Variants in CATSPERG observed in about 807,000 individuals in gnomAD.
CATSPERG encodes catsper channel auxiliary subunit gamma, also known as cation channel sperm-associated auxiliary subunit gamma.
Under a neutral mutation model 145.0 loss-of-function variants are expected in CATSPERG, and 115 were observed. That is an observed-to-expected ratio of 0.79 (90% CI 0.68 to 0.93). The LOEUF (loss-of-function observed/expected upper bound fraction) is 0.93. Among genes scored for constraint, CATSPERG ranks in the 40% least tolerant of loss-of-function variants. The pLI is 0.00. For missense variants in CATSPERG, 1,296 were observed against 1,490.1 expected (o/e 0.87, Z 2.14); for synonymous variants, 588 against 589.0 (o/e 1.00, Z 0.02).
Position 38,362,414 on chromosome 19 carries a change from G to A in CATSPERG, c.2196G>A (p.Ala732=), listed in dbSNP as rs769450893. 11 of 1,614,156 alleles carry A rather than the reference G, an allele frequency of 6.8e-6. No homozygotes were observed. The highest frequency in any genetic ancestry group is 4.4e-5 in the South Asian group (4 of 91,092). Residue 732 remains alanine (A), a synonymous_variant, in exon 19 of 29, where the codon GCG becomes GCA. Coordinates refer to ENST00000409235, the MANE Select transcript of CATSPERG (RefSeq NM_021185.5). ...TCTTGGCGAGCAATTGGCGAAGCGC[G>A]GGCGGCGTGTCCATAGAAATGGACA... ...YFFLASNWRS[A]GGVSIEMDSY...
chr19:38,340,877 G>C (rs1969926339), intron 3 of CATSPERG, among the ~76,000 whole-genome samples: 1 of 139,790 alleles, frequency 7.2e-6, no homozygotes, highest in Non-Finnish European at 1.6e-5. Flanking sequence ...AATAAAATGA[G>C]GTAATACGTT....
chr19:38,352,024 A>C (rs1970150903), intron 7 of CATSPERG, among the ~76,000 whole-genome samples: 1 of 152,058 alleles, frequency 6.6e-6, no homozygotes, highest in African/African-American at 2.4e-5. Flanking sequence ...GCACTGCCCA[A>C]CTCCAGGGGG....
At chr19:38,359,884 A>T (rs1308197798) in intron 14 of CATSPERG, 3 of 1,116,684 alleles carry the variant, frequency 2.7e-6, no homozygotes, top group East Asian at 1.2e-4. Flanking sequence ...GTGCTGGAGA[A>T]CACAGAGTGA....
intron 2 of CATSPERG, 21 bp from the exon 3 acceptor site, chr19:38,337,572 T>TG: frequency 6.4e-7 from 1 of 1,551,806 alleles, no homozygotes; most frequent in Non-Finnish European, 8.7e-7. Context: ...TCTGGACGTG[T>TG]GGCCTAACCT....
chr19:38,361,732 G>A lies in CATSPERG; in HGVS notation c.1965G>A (p.Thr655=), dbSNP rs2145101175. ...LRSLPSPQRY[T]RQERYRARPP... is the part of the protein sequence containing the mutation. The stretch of plus-strand genomic sequence containing the variant: ...GCCTGCCCAGTCCGCAGAGATACAC[G>A]CGCCAGGAGCGCTACCGGGCGCGGC... The change falls in exon 17 of 29, where the codon ACG becomes ACA. Residue 655 remains threonine, a synonymous_variant. Coordinates refer to ENST00000409235, the MANE Select transcript of CATSPERG (RefSeq NM_021185.5). 1 of 1,613,086 alleles carries A rather than the reference G, an allele frequency of 6.2e-7. No individual in the cohort carries two copies. The highest frequency in any genetic ancestry group is 1.1e-5 in the South Asian group (1 of 90,934).
At chr19:38,357,515 CAA>C (rs3033507) in intron 11 of CATSPERG, among the ~76,000 whole-genome samples, 8 of 134,052 alleles carry the variant, frequency 6.0e-5, no homozygotes, top group Admixed American at 1.5e-4. Flanking sequence ...GACCCGGTCT[CAA>C]AAAAAAAAAA....
intron 3 of CATSPERG, 93 bp from the exon 4 acceptor site, chr19:38,343,487 A>G: frequency 1.7e-6 from 2 of 1,164,732 alleles, no homozygotes; most frequent in Non-Finnish European, 1.2e-6. Flanking sequence ...GCCCCCGGAC[A>G]GCCCAGGAGA....
chr19:38,354,409 C>T (rs904245777), intron 8 of CATSPERG, among the ~76,000 whole-genome samples: 10 of 152,256 alleles, frequency 6.6e-5, no homozygotes, highest in Non-Finnish European at 8.8e-5. Flanking sequence ...CATCTTGTTG[C>T]GGATTGCAAG....
At position 38,344,129 on chromosome 19, in the gene CATSPERG, C is replaced by T. The variant is rs946190708; in HGVS notation, c.596+10C>T. On this transcript the variant is annotated intron_variant, in intron 5 of 28. Coordinates refer to ENST00000409235, the MANE Select transcript of CATSPERG (RefSeq NM_021185.5). ...TCATTCCAGATAAAAGGTACCCTTT[C>T]CCAAGACGGGGGCTGGGGTGGACTC... is the stretch of plus-strand genomic sequence containing the variant. 6.4e-7 allele frequency: 1 copy of T among 1,551,560 alleles called. No individual in the cohort carries two copies. The highest frequency in any genetic ancestry group is 8.7e-7 in the Non-Finnish European group (1 of 1,146,940).
At position 38,365,059 on chromosome 19, in the gene CATSPERG, AGGT is replaced by A. The variant is rs1350326389; in HGVS notation, c.2561_2563del (p.Val854del). The A allele has an allele frequency of 6.2e-7, 1 of 1,613,888 alleles. No individual in the cohort carries two copies. Among genetic ancestry groups the A allele is most frequent in the Non-Finnish European group, 8.5e-7 (1 of 1,179,980 alleles). On this transcript the variant is annotated splice_acceptor_variant and coding_sequence_variant, in exon 22 of 29. Coordinates refer to ENST00000409235, the MANE Select transcript of CATSPERG (RefSeq NM_021185.5). LOFTEE classifies it high-confidence loss of function. ...ACCATCTTCACCTGCTCCTACCCAC[AGGT>A]GGTGGGTTCATCCGGGCTCTGCTTC... is the stretch of plus-strand genomic sequence containing the variant.
chr19:38,364,447 C>T (rs1296235574), intron 20 of CATSPERG, among the ~76,000 whole-genome samples: 1 of 151,810 alleles, frequency 6.6e-6, no homozygotes, highest in Non-Finnish European at 1.5e-5. Flanking sequence ...AGTGGGCAGC[C>T]AGGCAGAGGG....
At chr19:38,362,913 C>G (rs1295995075) in intron 20 of CATSPERG, 81 bp downstream of exon 20, 11 of 956,650 alleles carry the variant, frequency 1.1e-5, no homozygotes, top group Non-Finnish European at 1.7e-5. Flanking sequence ...GGGTCTTGCT[C>G]TGTCGCTCAG....
At position 38,370,892 on chromosome 19, in the gene CATSPERG, T is replaced by C; in HGVS notation, c.*100T>C. 1 of 1,342,968 alleles carries C rather than the reference T, an allele frequency of 7.4e-7. No individual in the cohort carries two copies. Among genetic ancestry groups the C allele is most frequent in the South Asian group, 1.3e-5 (1 of 75,894 alleles). The allele number at this position is 1,342,968 out of a possible 1,614,324, so 83.2% of individuals were successfully genotyped here. On this transcript the variant is annotated 3_prime_UTR_variant, in exon 29 of 29. Transcript: ENST00000409235. The stretch of plus-strand genomic sequence containing the variant: ...ACCCAGCCCAGGCCTCTCTTTCTGT[T>C]TTGCTTGATGTTTACTTCTCGTTCA...
In CATSPERG at chr19:38,354,803, C is replaced by G. The variant is rs754443545; in HGVS notation, c.1091C>G (p.Thr364Ser). 82 of 1,614,004 alleles carry G rather than the reference C, an allele frequency of 5.1e-5. No homozygotes were observed. Among genetic ancestry groups the G allele is most frequent in the Non-Finnish European group, 6.6e-5 (78 of 1,180,004 alleles). Residue 364 changes from threonine (T) to serine (S), a missense_variant, in exon 9 of 29, where the codon ACC (threonine) becomes AGC (serine). By Grantham distance (58) the Thr-to-Ser change is moderately conservative. Coordinates refer to ENST00000409235, the MANE Select transcript of CATSPERG (RefSeq NM_021185.5). ...SNGSEYIMAL[T>S]TGKHEGYVHF... is the part of the protein sequence containing the mutation. ...GGCTCTGAGTACATAATGGCCCTCA[C>G]CACGGGCAAGCATGAGGGTTATGTA...
Position 38,358,188 on chromosome 19 carries a change from A to G in CATSPERG, c.1316-90A>G, listed in dbSNP as rs888504680. ...TGGGAAGCTCTTTGGAGGGTTTTAC[A>G]GGAGGCTGAGAAGCAAACAACTTGC... On this transcript the variant is annotated intron_variant, in intron 11 of 28. Coordinates refer to ENST00000409235, the MANE Select transcript of CATSPERG (RefSeq NM_021185.5). 4 of 1,312,710 alleles carry G rather than the reference A, an allele frequency of 3.0e-6. No individual in the cohort carries two copies. The African/African-American group carries it at 4.4e-5, about 14-fold the overall frequency. The allele number at this position is 1,312,710 out of a possible 1,614,324, so 81.3% of individuals were successfully genotyped here. A position where few individuals can be genotyped will look rare whatever the true frequency, so the allele number is the denominator to read the frequency against.
intron 3 of CATSPERG, among the ~76,000 whole-genome samples, chr19:38,339,217 G>A (rs558761410): frequency 1.3e-5 from 2 of 152,110 alleles, no homozygotes; most frequent in Non-Finnish European, 2.9e-5. Context: ...ATAATGGAGA[G>A]CAGGTTCTTT....
At chr19:38,358,629 C>A in intron 13 of CATSPERG, 68 bp downstream of exon 13, 1 of 1,584,580 alleles carries the variant, frequency 6.3e-7, no homozygotes. Flanking sequence ...CGGTGGGGAC[C>A]CTTTCAAGCC....
intron 6 of CATSPERG, among the ~76,000 whole-genome samples, chr19:38,345,030 C>A (rs1011329141): frequency 1.3e-4 from 19 of 149,512 alleles, no homozygotes; most frequent in Non-Finnish European, 2.4e-4. Context: ...CCTCAGCCTC[C>A]CAAGTAGCTG....
rs1970473081 is a variant in CATSPERG, at chr19:38,367,495, C to G, written c.2771-14C>G. ...AATTTCTTCTTCTGGTCTCAATCCC[C>G]TCCAACCCCATAGTTTTCTACCCCT... On this transcript the variant is annotated splice_polypyrimidine_tract_variant and intron_variant, in intron 23 of 28. Transcript: ENST00000409235. 3 of 1,613,576 alleles carry G rather than the reference C, an allele frequency of 1.9e-6. No individual in the cohort carries two copies. Among genetic ancestry groups the G allele is most frequent in the Non-Finnish European group, 2.5e-6 (3 of 1,179,658 alleles).
Sources: allele counts gnomAD v4.1 joint callset (sites outside exome capture counted in the v4.1 genomes callset), GRCh38; gene constraint gnomAD v4.1.1; transcripts MANE v1.5; gene names NCBI Gene and HGNC (gene_info 2026-07-23, HGNC 2026-07-21).